The following C14orf39 variants were observed in gnomAD, a reference collection of about 807,000 sequenced individuals.
C14orf39 encodes protein SIX6OS1.
Under a neutral mutation model 85.6 loss-of-function variants are expected in C14orf39, and 66 were observed. That is an observed-to-expected ratio of 0.77 (90% CI 0.63 to 0.95). C14orf39 has a LOEUF of 0.95. Ranked by LOEUF, C14orf39 falls within the 40% of genes least tolerant of loss-of-function variation. The pLI, the probability that C14orf39 is intolerant of heterozygous loss-of-function variation, is 0.00. For synonymous variants in C14orf39, 242 were observed against 214.0 expected (o/e 1.13, Z -1.14); for missense variants, 735 against 663.9 (o/e 1.11, Z -1.18).
intron 1 of C14orf39, chr14:60,509,287 T>C (rs1893252289): frequency 2.1e-6 from 2 of 935,468 alleles, no homozygotes; most frequent in Non-Finnish European, 3.4e-6. Context: ...TGTGTCCCGC[T>C]GCCCCAATCC....
intron 4 of C14orf39, 102 bp downstream of exon 4, chr14:60,483,589 T>C (rs1892740240): frequency 1.0e-6 from 1 of 968,666 alleles, no homozygotes; most frequent in South Asian, 1.9e-5. Context: ...CTTGATTCAT[T>C]AGCTAATACA....
intron 1 of C14orf39, chr14:60,511,388 T>G (rs2140189991): frequency 9.0e-7 from 1 of 1,111,606 alleles, no homozygotes; most frequent in Non-Finnish European, 1.3e-6. Flanking sequence ...CGGGCTCGGG[T>G]TGCCGTTTCC....
In C14orf39 at chr14:60,469,528, T is replaced by C. The variant is rs1368349986; in HGVS notation, c.675+5A>G. ...CATATTAGAAATATATAACAAAATA[T>C]ATACCTGGTTTAAATAATTAATTTC... On this transcript the variant is annotated splice_donor_5th_base_variant and intron_variant, in intron 8 of 17. Coordinates refer to ENST00000321731, the MANE Select transcript of C14orf39 (RefSeq NM_174978.3). The C allele has an allele frequency of 9.4e-6, 12 of 1,279,144 alleles. No individual in the cohort carries two copies. The highest frequency in any genetic ancestry group is 3.2e-5 in the South Asian group (2 of 62,478). The allele number at this position is 1,279,144 out of a possible 1,614,324, so 79.2% of individuals were successfully genotyped here.
chr14:60,455,202 G>A, intron 15 of C14orf39, 57 bp from the exon 16 acceptor site: 2 of 1,267,174 alleles, frequency 1.6e-6, no homozygotes, highest in Non-Finnish European at 2.2e-6. Context: ...ACTGAATACT[G>A]GTAAGCATCA....
At chr14:60,474,719 G>A (rs1233048118) in intron 5 of C14orf39, among the ~76,000 whole-genome samples, 2 of 151,934 alleles carry the variant, frequency 1.3e-5, no homozygotes, top group African/African-American at 2.4e-5. Flanking sequence ...ATTTGCATAT[G>A]TTGAACCAGC....
At chr14:60,452,813 T>A (rs1404708161) in intron 16 of C14orf39, among the ~76,000 whole-genome samples, 2 of 143,194 alleles carry the variant, frequency 1.4e-5, no homozygotes, top group Admixed American at 6.8e-5. Flanking sequence ...ATAAATAAAA[T>A]TTTTTTCTGA....
chr14:60,476,511 G>A (rs958051185), intron 5 of C14orf39, among the ~76,000 whole-genome samples: 1 of 152,122 alleles, frequency 6.6e-6, no homozygotes, highest in Non-Finnish European at 1.5e-5. Context: ...ATAAATGCCT[G>A]GTATTGAAGC....
chr14:60,480,214 G>A (rs1443738456), intron 4 of C14orf39, among the ~76,000 whole-genome samples: 1 of 152,100 alleles, frequency 6.6e-6, no homozygotes, highest in African/African-American at 2.4e-5. Flanking sequence ...CTGAGGTCAG[G>A]AGTTCAAGAC....
chr14:60,496,003 G>A (rs957946013), intron 2 of C14orf39: 25 of 515,178 alleles, frequency 4.9e-5, no homozygotes, highest in Non-Finnish European at 1.5e-5. Flanking sequence ...ATCAGTCCCA[G>A]GGACAAAGAG....
chr14:60,505,634 C>T (rs752815342), intron 1 of C14orf39, among the ~76,000 whole-genome samples: 2 of 152,106 alleles, frequency 1.3e-5, no homozygotes, highest in African/African-American at 2.4e-5. Context: ...TCAGATGCAG[C>T]ACAAATGTCT....
chr14:60,511,618 C>A, intron 1 of C14orf39: 1 of 408,862 alleles, frequency 2.4e-6, no homozygotes. Flanking sequence ...ATATGTATAA[C>A]TTTCGCTTTA....
upstream of C14orf39, among the ~76,000 whole-genome samples, chr14:60,487,993 T>C (rs181255318): frequency 2.6e-5 from 4 of 152,320 alleles, no homozygotes; most frequent in Admixed American, 2.6e-4. Context: ...GAGTTCCTTA[T>C]TTAGATATTA....
chr14:60,440,936 T>C (rs1221928062), intron 17 of C14orf39, among the ~76,000 whole-genome samples: 1 of 152,172 alleles, frequency 6.6e-6, no homozygotes, highest in Non-Finnish European at 1.5e-5. Context: ...TAGTGATGCC[T>C]TTCCTGACTC....
chr14:60,475,529 T>C (rs1324195567), intron 5 of C14orf39, among the ~76,000 whole-genome samples: 1 of 152,144 alleles, frequency 6.6e-6, no homozygotes. Flanking sequence ...GAATATTCCA[T>C]AACACATTAA....
In C14orf39 at chr14:60,436,900, G is replaced by A; in HGVS notation, c.1709C>T (p.Ser570Phe). Reference sequence around the variant, plus strand: ...TGAGGAAGATGAAAAACCTTTTAAAGAAGAAGAAGGTATTGAATTTTGACC... The same window carrying A: ...TGAGGAAGATGAAAAACCTTTTAAAAAAGAAGAAGGTATTGAATTTTGACC... ...GQGQNSIPSSSLKGFSSSSQN... is the reference protein window; with the variant it reads ...GQGQNSIPSSFLKGFSSSSQN... The change falls in exon 18 of 18, where the codon TCT becomes TTT. Residue 570 changes from serine to phenylalanine, a missense_variant. By Grantham distance (155) the Ser-to-Phe change is radical. Transcript: ENST00000321731. 6.2e-7 allele frequency: 1 copy of A among 1,612,190 alleles called. No homozygotes were observed. The highest frequency in any genetic ancestry group is 8.5e-7 in the Non-Finnish European group (1 of 1,178,782).
At chr14:60,494,272 C>T in intron 2 of C14orf39, 1 of 171,336 alleles carries the variant, frequency 5.8e-6, no homozygotes, top group Non-Finnish European at 1.3e-5. Context: ...TTATTGTTTA[C>T]CTTGCGCATC....
chr14:60,494,405 T>C (rs1893036418), intron 2 of C14orf39: 1 of 157,068 alleles, frequency 6.4e-6, no homozygotes, highest in Non-Finnish European at 1.4e-5. Context: ...CAAGAAATTC[T>C]TCCCACATCA....
intron 11 of C14orf39, among the ~76,000 whole-genome samples, chr14:60,462,587 T>A (rs1485068678): frequency 6.6e-6 from 1 of 152,128 alleles, no homozygotes; most frequent in Non-Finnish European, 1.5e-5. Context: ...AATTCTGTCA[T>A]CTTACTGTGC....
chr14:60,467,582 T>C (rs1381112832), intron 9 of C14orf39, among the ~76,000 whole-genome samples: 2 of 151,906 alleles, frequency 1.3e-5, no homozygotes, highest in African/African-American at 4.8e-5. Flanking sequence ...TAAATATTTA[T>C]ATGTTTCTGT....
Sources: gnomAD v4.1 joint callset for allele counts (sites outside exome capture counted in the v4.1 genomes callset) on GRCh38, gnomAD v4.1.1 for gene constraint, MANE v1.5 for transcripts, NCBI Gene and HGNC (gene_info 2026-07-23, HGNC 2026-07-21) for gene names.